Variants in SKA3 observed in about 807,000 individuals in gnomAD.
SKA3 encodes the protein spindle and kinetochore associated complex subunit 3, also known as spindle and kinetochore-associated protein 3.
SKA3 carries 39 observed loss-of-function variants against 44.2 expected under a neutral mutation model. That is an observed-to-expected ratio of 0.88 (90% CI 0.68 to 1.15). The LOEUF (loss-of-function observed/expected upper bound fraction) is 1.15. Among genes scored for constraint, SKA3 ranks in the 50% most tolerant of loss-of-function variants. The pLI, the probability that SKA3 is intolerant of heterozygous loss-of-function variation, is 0.00. For synonymous variants in SKA3, 192 were observed against 172.0 expected, an observed-to-expected ratio of 1.12 and a Z score of -0.91; for missense variants, 511 against 485.8, an observed-to-expected ratio of 1.05 and a Z score of -0.49.
intron 5 of SKA3, 68 bp downstream of exon 5, chr13:21,161,721 GA>G: frequency 2.1e-6 from 2 of 949,784 alleles, no homozygotes; most frequent in Non-Finnish European, 3.0e-6. Context: ...CTAAGATGAT[GA>G]AATCAATTTT....
At chr13:21,174,677 A>T (rs1435148886) in intron 1 of SKA3, among the ~76,000 whole-genome samples, 2 of 152,186 alleles carry the variant, frequency 1.3e-5, no homozygotes, top group African/African-American at 4.8e-5. Flanking sequence ...GCATGTATAC[A>T]TATGTAAGAA....
At chr13:21,173,405 C>T (rs994242438) in intron 1 of SKA3, among the ~76,000 whole-genome samples, 2 of 152,144 alleles carry the variant, frequency 1.3e-5, no homozygotes, top group South Asian at 2.1e-4. Context: ...TACAGGTGTG[C>T]GCCACTACAT....
intron 5 of SKA3, among the ~76,000 whole-genome samples, chr13:21,160,568 G>T (rs986422274): frequency 1.3e-5 from 2 of 152,038 alleles, no homozygotes; most frequent in Non-Finnish European, 2.9e-5. Context: ...CAAAATATCT[G>T]AAGTCTAAAA....
rs1870584946 is a variant in SKA3 at position 21,164,136 on chromosome 13, TG to T, written c.744-2262del. Among the ~76,000 whole-genome samples the T allele has an allele frequency of 3.9e-5, 6 of 152,266 alleles. No homozygotes were observed. In the South Asian group the frequency reaches 1.2e-3, roughly 32 times the overall value. On this transcript the variant is annotated intron_variant, in intron 4 of 8. Coordinates refer to ENST00000314759, the MANE Select transcript of SKA3 (RefSeq NM_145061.6). ...TCTGTCTTTCACTAATTACTGCATA[TG>T]GGTTTTTAAAACCTGTTATGTATCT...
chr13:21,155,545 T>G, intron 8 of SKA3, 148 bp downstream of exon 8: 1 of 597,046 alleles, frequency 1.7e-6, no homozygotes, highest in Non-Finnish European at 3.0e-6. Flanking sequence ...TAGCTGGGAC[T>G]ACAGGTGTGC....
chr13:21,171,822 G>C, intron 3 of SKA3, among the ~76,000 whole-genome samples: 1 of 152,158 alleles, frequency 6.6e-6, no homozygotes, highest in East Asian at 1.9e-4. Context: ...ATACGGATTT[G>C]AACTCAGGCA....
chr13:21,168,378 T>C lies in SKA3; in HGVS notation c.353A>G (p.Asn118Ser), dbSNP rs768374934. 9 of 1,609,406 alleles carry C rather than the reference T, an allele frequency of 5.6e-6. No individual in the cohort carries two copies. Among genetic ancestry groups the C allele is most frequent in the Non-Finnish European group, 7.6e-6 (9 of 1,177,718 alleles). Residue 118 changes from asparagine (N) to serine (S), a missense_variant, in exon 4 of 9, where the codon AAC becomes AGC. Coordinates refer to ENST00000314759, the MANE Select transcript of SKA3 (RefSeq NM_145061.6). ...ACAATTAGACAACTCTGGGTCAGAGTTAATGGCTTCTTGCTCGTGTACTAG... is the reference window on the plus strand; with the variant it reads ...ACAATTAGACAACTCTGGGTCAGAGCTAATGGCTTCTTGCTCGTGTACTAG... Reference protein sequence around the residue: ...KNSVHEQEAINSDPELSNCEN... With the variant: ...KNSVHEQEAISSDPELSNCEN...
intron 4 of SKA3, among the ~76,000 whole-genome samples, chr13:21,167,779 C>CAAAAAAAAAAAAAAAAAAAA (rs373781795): frequency 8.1e-6 from 1 of 123,918 alleles, no homozygotes; most frequent in Non-Finnish European, 1.7e-5. Context: ...AAAAAAAAAA[C>CAAAAAAAAAAAAAAAAAAAA]AAAAAAAAAA....
chr13:21,161,876 CTGGTG>C lies in SKA3; in HGVS notation c.744-6_744-2del. 1 of 1,601,772 alleles carries C rather than the reference CTGGTG, an allele frequency of 6.2e-7. No individual in the cohort carries two copies. On this transcript the variant is annotated splice_acceptor_variant and splice_polypyrimidine_tract_variant and intron_variant, in intron 4 of 8. Transcript: ENST00000314759. LOFTEE classifies it high-confidence loss of function. ...GGATTCTGTATCTATGGCCTCCTCA[CTGGTG>C]TGATTCATAGGGAAATTACAAGGTT...
At chr13:21,157,111 T>C (rs2137355964) in intron 7 of SKA3, among the ~76,000 whole-genome samples, 2 of 152,210 alleles carry the variant, frequency 1.3e-5, no homozygotes, top group South Asian at 4.1e-4. Flanking sequence ...TAAGTAATAA[T>C]TGCCAAACAC....
At chr13:21,162,825 CAGGCTATG>C (rs1870511660) in intron 4 of SKA3, among the ~76,000 whole-genome samples, 1 of 152,138 alleles carries the variant, frequency 6.6e-6, no homozygotes, top group Admixed American at 6.6e-5. Context: ...AGGATCTCTT[CAGGCTATG>C]AGTTGGAGAT....
chr13:21,156,185 TA>T (rs35208915), intron 7 of SKA3, among the ~76,000 whole-genome samples: 70 of 128,800 alleles, frequency 5.4e-4, no homozygotes, highest in Admixed American at 5.7e-4. Context: ...AGACTTGGTC[TA>T]AAAAAAAAAA....
At chr13:21,167,234 C>T (rs1038866880) in intron 4 of SKA3, among the ~76,000 whole-genome samples, 1 of 152,202 alleles carries the variant, frequency 6.6e-6, no homozygotes. Context: ...AAAACAGAAA[C>T]TTGGGGTTTA....
At chr13:21,164,412 T>G (rs139966086) in intron 4 of SKA3, among the ~76,000 whole-genome samples, 81 of 152,316 alleles carry the variant, frequency 5.3e-4, no homozygotes, top group African/African-American at 1.9e-3. Context: ...CCAAAATGTT[T>G]GTTAAGTTTT....
chr13:21,154,925 A>G lies in SKA3; in HGVS notation c.*225T>C, dbSNP rs9552370. The G allele has an allele frequency of 0.66, 446,936 of 673,442 alleles. 131,871 individuals are homozygous for G. The highest frequency in any genetic ancestry group is 0.72 in the Admixed American group (23,603 of 32,990). 41.7% of individuals were successfully genotyped at this position (673,442 alleles called of 1,614,324 possible). ...ATTTAGTATCAATGAAACACTAATA[A>G]TCCTTAAAGAGTGAATGACTGGGCT... On this transcript the variant is annotated 3_prime_UTR_variant, in exon 9 of 9. Transcript: ENST00000314759.
At chr13:21,173,270 T>C (rs1415436806) in intron 1 of SKA3, among the ~76,000 whole-genome samples, 2 of 152,178 alleles carry the variant, frequency 1.3e-5, no homozygotes, top group African/African-American at 2.4e-5. Flanking sequence ...CTTTTTCTTT[T>C]TTTGAGATGG....
intron 4 of SKA3, among the ~76,000 whole-genome samples, chr13:21,163,970 G>T (rs1401567177): frequency 6.6e-6 from 1 of 152,050 alleles, no homozygotes; most frequent in Non-Finnish European, 1.5e-5. Context: ...CACCATGTTG[G>T]CTAGGCTGGT....
In SKA3 at chr13:21,159,936, A is replaced by T. The variant is rs1317565044; in HGVS notation, c.881T>A (p.Leu294Ter). The T allele has an allele frequency of 3.7e-6, 6 of 1,609,028 alleles. No individual in the cohort carries two copies. The highest frequency in any genetic ancestry group is 2.2e-5 in the South Asian group (2 of 90,142). The change falls in exon 6 of 9, where the codon TTG becomes TAG. Residue 294 changes from leucine to a stop codon, truncating the protein, a stop_gained. Coordinates refer to ENST00000314759, the MANE Select transcript of SKA3 (RefSeq NM_145061.6). LOFTEE classifies it high-confidence loss of function. ...GCTGTTCTTTGTAGATGGAATTTTC[A>T]AACCAGGAGTACAGAATGTAGGTAC... ...PLVPTFCTPGLKIPSTKNSIA... is the reference protein window; with the variant it reads ...PLVPTFCTPG
chr13:21,156,464 T>C (rs561008115), intron 7 of SKA3, among the ~76,000 whole-genome samples: 4 of 152,244 alleles, frequency 2.6e-5, no homozygotes, highest in Admixed American at 2.6e-4. Flanking sequence ...AATTTTTTCA[T>C]GCATAAAGGG....
Sources: gnomAD v4.1 joint callset for allele counts (sites outside exome capture counted in the v4.1 genomes callset) on GRCh38, gnomAD v4.1.1 for gene constraint, MANE v1.5 for transcripts, NCBI Gene and HGNC (gene_info 2026-07-23, HGNC 2026-07-21) for gene names.